Variants in STPG4 observed in about 807,000 individuals in gnomAD.
STPG4 encodes the protein sperm-tail PG-rich repeat containing 4.
Under a neutral mutation model 31.5 loss-of-function variants are expected in STPG4, and 41 were observed. That is an observed-to-expected ratio of 1.30 (90% CI 1.01 to 1.69). The LOEUF is 1.69. STPG4 is among the 40% of genes most tolerant of loss of function. STPG4 has a pLI of 0.00. For synonymous variants in STPG4, 141 were observed against 103.0 expected (o/e 1.37, Z -2.24); for missense variants, 375 against 293.4 (o/e 1.28, Z -2.03).
intron 3 of STPG4, among the ~76,000 whole-genome samples, chr2:47,137,665 C>A (rs995995414): frequency 2.0e-5 from 3 of 152,094 alleles, no homozygotes; most frequent in Non-Finnish European, 4.4e-5. Context: ...TAGATATAGG[C>A]CTATTCAGAC....
At chr2:47,138,618 C>T (rs188437079) in intron 3 of STPG4, among the ~76,000 whole-genome samples, 7 of 152,108 alleles carry the variant, frequency 4.6e-5, no homozygotes, top group African/African-American at 1.7e-4. Flanking sequence ...GCCATGATCT[C>T]AGCTCACTGC....
At chr2:47,117,912 C>A (rs1280413478) in intron 5 of STPG4, among the ~76,000 whole-genome samples, 1 of 131,460 alleles carries the variant, frequency 7.6e-6, no homozygotes, top group African/African-American at 3.1e-5. Context: ...AGAGATAGTA[C>A]AACATATATA....
intron 5 of STPG4, among the ~76,000 whole-genome samples, chr2:47,113,511 A>T (rs1395836786): frequency 3.9e-5 from 6 of 152,220 alleles, no homozygotes; most frequent in African/African-American, 1.4e-4. Context: ...TAAAACAACT[A>T]ATATGTTAAA....
At chr2:47,133,594 T>TTTTTTTTTTTTA (rs1686534065) in intron 3 of STPG4, among the ~76,000 whole-genome samples, 2 of 145,306 alleles carry the variant, frequency 1.4e-5, no homozygotes, top group African/African-American at 2.5e-5. Flanking sequence ...TTTTTTTTTT[T>TTTTTTTTTTTTA]GAGACTGAGT....
At chr2:47,115,998 C>T (rs548156147) in intron 5 of STPG4, among the ~76,000 whole-genome samples, 1 of 152,234 alleles carries the variant, frequency 6.6e-6, no homozygotes, top group South Asian at 2.1e-4. Flanking sequence ...GGGTATGTGG[C>T]TAGGATATGT....
At chr2:47,122,582 A>T (rs898658103) in intron 5 of STPG4, among the ~76,000 whole-genome samples, 1 of 152,040 alleles carries the variant, frequency 6.6e-6, no homozygotes, top group Non-Finnish European at 1.5e-5. Context: ...TTCCCTACTG[A>T]CTTGTCATAC....
At chr2:47,089,075 G>C (rs771948456) in intron 6 of STPG4, among the ~76,000 whole-genome samples, 5 of 152,160 alleles carry the variant, frequency 3.3e-5, no homozygotes, top group Admixed American at 1.3e-4. Context: ...ATAAGGGAGA[G>C]ACTCCACCAA....
At chr2:47,152,135 C>T (rs922937538) in intron 2 of STPG4, among the ~76,000 whole-genome samples, 10 of 152,148 alleles carry the variant, frequency 6.6e-5, no homozygotes, top group Non-Finnish European at 1.2e-4. Context: ...AATTTCAGAC[C>T]TCTAGTGAGA....
At chr2:47,123,434 T>C (rs1336291134) in intron 5 of STPG4, among the ~76,000 whole-genome samples, 1 of 152,182 alleles carries the variant, frequency 6.6e-6, no homozygotes, top group Non-Finnish European at 1.5e-5. Flanking sequence ...CCTGCCTTCA[T>C]AAGCTTACGT....
intron 3 of STPG4, among the ~76,000 whole-genome samples, chr2:47,136,631 A>G (rs1385617076): frequency 6.6e-6 from 1 of 152,196 alleles, no homozygotes; most frequent in Non-Finnish European, 1.5e-5. Flanking sequence ...TCCTTCTATC[A>G]TCATGAGTTT....
intron 3 of STPG4, among the ~76,000 whole-genome samples, chr2:47,149,725 A>G: frequency 6.6e-6 from 1 of 152,264 alleles, no homozygotes; most frequent in East Asian, 1.9e-4. Flanking sequence ...TGATGAAGTT[A>G]TGAAGATTGA....
At chr2:47,091,921 T>G (rs1016837822) in intron 5 of STPG4, among the ~76,000 whole-genome samples, 5 of 151,440 alleles carry the variant, frequency 3.3e-5, no homozygotes, top group African/African-American at 1.2e-4. Flanking sequence ...ATGTGCCTGG[T>G]TCAATAAATT....
intron 5 of STPG4, among the ~76,000 whole-genome samples, chr2:47,120,310 G>A (rs985150027): frequency 6.6e-6 from 1 of 152,248 alleles, no homozygotes; most frequent in South Asian, 2.1e-4. Flanking sequence ...CAACGTGGGC[G>A]ACAGAGTGAG....
chr2:47,151,610 CTT>C, intron 2 of STPG4, 95 bp from the exon 3 acceptor site: 1 of 1,004,038 alleles, frequency 1.0e-6, no homozygotes, highest in South Asian at 1.6e-5. Flanking sequence ...TAACATCTCT[CTT>C]TGTTTTCAAG....
At chr2:47,117,941 A>G (rs1686185528) in intron 5 of STPG4, among the ~76,000 whole-genome samples, 1 of 143,980 alleles carries the variant, frequency 6.9e-6, no homozygotes, top group Non-Finnish European at 1.5e-5. Flanking sequence ...TTTTTTTTTT[A>G]ATAGAGATGA....
At chr2:47,137,689 ATGTCAGT>A (rs1686623021) in intron 3 of STPG4, among the ~76,000 whole-genome samples, 1 of 152,160 alleles carries the variant, frequency 6.6e-6, no homozygotes, top group South Asian at 2.1e-4. Flanking sequence ...ATTTCTTTTC[ATGTCAGT>A]TGTGGAAAAT....
chr2:47,091,251 G>A (rs535633920), intron 5 of STPG4, among the ~76,000 whole-genome samples: 2 of 152,302 alleles, frequency 1.3e-5, no homozygotes, highest in African/African-American at 4.8e-5. Context: ...GCTGGCAGAA[G>A]CATAAATTCG....
At chr2:47,093,093 T>C (rs1445393086) in intron 5 of STPG4, among the ~76,000 whole-genome samples, 1 of 152,176 alleles carries the variant, frequency 6.6e-6, no homozygotes, top group Admixed American at 6.5e-5. Flanking sequence ...ACCCGGCCCT[T>C]CCACAGGATT....
At chr2:47,104,167 T>C (rs995156624) in intron 5 of STPG4, among the ~76,000 whole-genome samples, 10 of 151,946 alleles carry the variant, frequency 6.6e-5, no homozygotes, top group African/African-American at 9.7e-5. Context: ...AGTCTGGGCA[T>C]TGGAAGGACA....
Sources: allele counts gnomAD v4.1 joint callset (sites outside exome capture counted in the v4.1 genomes callset), GRCh38; gene constraint gnomAD v4.1.1; transcripts MANE v1.5; gene names NCBI Gene and HGNC (gene_info 2026-07-23, HGNC 2026-07-21).